MAP3K2: variants seen among roughly 807,000 people sequenced by gnomAD.
MAP3K2 encodes the protein mitogen-activated protein kinase kinase kinase 2, also known as MAP/ERK kinase kinase 2.
MAP3K2 carries 24 observed loss-of-function variants against 80.3 expected under a neutral mutation model. The observed-to-expected ratio is 0.30, with a 90% CI of 0.22 to 0.42. The LOEUF (loss-of-function observed/expected upper bound fraction) is 0.42. MAP3K2 is among the 10% of genes least tolerant of loss of function. The pLI is 1.00. For missense variants in MAP3K2, 608 were observed against 750.1 expected, an observed-to-expected ratio of 0.81 and a Z score of 2.21; for synonymous variants, 244 against 253.7, an observed-to-expected ratio of 0.96 and a Z score of 0.36.
chr2:127,365,277 T>G (rs999380990), intron 1 of MAP3K2, among the ~76,000 whole-genome samples: 1 of 152,152 alleles, frequency 6.6e-6, no homozygotes, highest in Non-Finnish European at 1.5e-5. Flanking sequence ...GAAGTGGGCT[T>G]AGAGAGCTTA....
At position 127,302,932 on chromosome 2, in the gene MAP3K2, C is replaced by G. The variant is rs1685626095; in HGVS notation, c.*4647G>C. ...GGAGGTAGAAAAGGGTAGGAGGAGG[C>G]AGGCATTAAGAAACATTTAAGGACC... On this transcript the variant is annotated 3_prime_UTR_variant, in exon 17 of 17. Coordinates refer to ENST00000682094, the MANE Select transcript of MAP3K2 (RefSeq NM_001371910.2). 1 of 151,912 alleles carries G rather than the reference C, an allele frequency of 6.6e-6. No homozygotes were observed. The highest frequency in any genetic ancestry group is 6.6e-5 in the Admixed American group (1 of 15,232). The allele number at this position is 151,912 out of a possible 1,614,324, so 9.4% of individuals were successfully genotyped here.
chr2:127,388,233 G>T (rs1687418766), upstream of MAP3K2: 2 of 863,424 alleles, frequency 2.3e-6, no homozygotes, highest in Non-Finnish European at 2.7e-6. Context: ...TTCCGTGTGC[G>T]CGGCGCATAC....
chr2:127,382,062 T>G (rs1478560946), intron 1 of MAP3K2, among the ~76,000 whole-genome samples: 1 of 152,218 alleles, frequency 6.6e-6, no homozygotes, highest in African/African-American at 2.4e-5. Flanking sequence ...TCAAAAAGCC[T>G]TAACAACTAA....
chr2:127,311,881 A>C (rs1341120333), intron 15 of MAP3K2, among the ~76,000 whole-genome samples: 1 of 151,870 alleles, frequency 6.6e-6, no homozygotes, highest in Non-Finnish European at 1.5e-5. Flanking sequence ...GTTCCCTCCA[A>C]TCTCCTTTTC....
intron 4 of MAP3K2, among the ~76,000 whole-genome samples, chr2:127,336,397 A>G (rs780903758): frequency 6.6e-6 from 1 of 152,188 alleles, no homozygotes; most frequent in Non-Finnish European, 1.5e-5. Flanking sequence ...TCAACTCAAC[A>G]TTTTTGGGTA....
rs371399977 is a variant in MAP3K2 at position 127,370,125 on chromosome 2, GGC to G, written c.-66+17325_-66+17326del. Among the ~76,000 whole-genome samples, 55 of 151,440 alleles carry G rather than the reference GGC, an allele frequency of 3.6e-4. 1 individual carries two copies. The East Asian group carries it at 9.0e-3, about 25-fold the overall frequency. ...GCAAGACTAGCGGGGGGTGGGGGTG[GGC>G]GCAGCACGACCATGTGAATTCCCCA... is the stretch of plus-strand genomic sequence containing the variant. On this transcript the variant is annotated intron_variant, in intron 1 of 16. Transcript: ENST00000682094.
chr2:127,383,724 A>G (rs1687291145), intron 1 of MAP3K2, among the ~76,000 whole-genome samples: 1 of 152,222 alleles, frequency 6.6e-6, no homozygotes, highest in Non-Finnish European at 1.5e-5. Context: ...TGGGAGGCCA[A>G]AGTGGGAGGA....
At chr2:127,332,094 T>G (rs1686269636) in intron 5 of MAP3K2, among the ~76,000 whole-genome samples, 1 of 152,206 alleles carries the variant, frequency 6.6e-6, no homozygotes, top group Non-Finnish European at 1.5e-5. Context: ...CTATGAGAAT[T>G]TTTTTCTAAT....
chr2:127,326,279 C>A (rs941397180), intron 8 of MAP3K2, among the ~76,000 whole-genome samples: 1 of 62,362 alleles, frequency 1.6e-5, no homozygotes, highest in Non-Finnish European at 3.9e-5. Context: ...GGAATAACAG[C>A]AACTCCATGA....
At chr2:127,332,936 C>G (rs1403135265) in intron 5 of MAP3K2, among the ~76,000 whole-genome samples, 1 of 151,828 alleles carries the variant, frequency 6.6e-6, no homozygotes, top group Non-Finnish European at 1.5e-5. Flanking sequence ...TTGAGACCAG[C>G]CTGGGCAACA....
In MAP3K2 at chr2:127,368,929, A is replaced by G. The variant is rs752857591; in HGVS notation, c.-66+18523T>C. Among the ~76,000 whole-genome samples, 14 of 151,796 alleles carry G rather than the reference A, an allele frequency of 9.2e-5. No homozygotes were observed. In the East Asian group the frequency reaches 2.2e-3, roughly 23 times the overall value. On this transcript the variant is annotated intron_variant, in intron 1 of 16. Coordinates refer to ENST00000682094, the MANE Select transcript of MAP3K2 (RefSeq NM_001371910.2). ...CCCAGCTTGTTGAATTGTGACTAGTATTATTATTCTCAAATATTTTATTTT... is the reference window on the plus strand; with the variant it reads ...CCCAGCTTGTTGAATTGTGACTAGTGTTATTATTCTCAAATATTTTATTTT...
intron 1 of MAP3K2, among the ~76,000 whole-genome samples, chr2:127,376,753 A>G (rs1398766536): frequency 1.3e-5 from 2 of 152,130 alleles, no homozygotes; most frequent in Admixed American, 6.5e-5. Flanking sequence ...ACTCAGAATA[A>G]TAGTCTACAA....
At chr2:127,377,521 T>C (rs72848616) in intron 1 of MAP3K2, among the ~76,000 whole-genome samples, 39,548 of 151,928 alleles carry the variant, frequency 0.26, 5,345 homozygotes, top group Middle Eastern at 0.31. Flanking sequence ...ATATGAGCAA[T>C]GTGGAGGCAG....
At chr2:127,360,492 T>C (rs1200597789) in intron 1 of MAP3K2, among the ~76,000 whole-genome samples, 1 of 152,232 alleles carries the variant, frequency 6.6e-6, no homozygotes, top group African/African-American at 2.4e-5. Context: ...CTATCTTATT[T>C]ATAACTACCA....
chr2:127,332,850 C>T (rs1233699649), intron 5 of MAP3K2, among the ~76,000 whole-genome samples: 1 of 152,152 alleles, frequency 6.6e-6, no homozygotes, highest in African/African-American at 2.4e-5. Context: ...GTTCTCCAGG[C>T]TGGACGCAGT....
In MAP3K2 at chr2:127,347,338, C is replaced by T. The variant is rs144413506; in HGVS notation, c.-65-4144G>A. The stretch of plus-strand genomic sequence containing the variant: ...GACATAATCTTAGATACAGGAAAAC[C>T]TAAGAAACAAACAAAAACAGTATTA... On this transcript the variant is annotated intron_variant, in intron 1 of 16. Coordinates refer to ENST00000682094, the MANE Select transcript of MAP3K2 (RefSeq NM_001371910.2). Among the ~76,000 whole-genome samples, 1,258 of 152,084 alleles carry T rather than the reference C, an allele frequency of 8.3e-3. 7 individuals carry two copies. The highest frequency in any genetic ancestry group is 0.014 in the Non-Finnish European group (940 of 67,966).
Position 127,324,259 on chromosome 2 carries a change from C to A in MAP3K2, c.678-18G>T. 6.9e-7 allele frequency: 1 copy of A among 1,456,622 alleles called. No individual in the cohort carries two copies. Among genetic ancestry groups the A allele is most frequent in the Non-Finnish European group, 9.3e-7 (1 of 1,073,352 alleles). 90.2% of individuals were successfully genotyped at this position (1,456,622 alleles called of 1,614,324 possible). On this transcript the variant is annotated intron_variant, in intron 9 of 16. Coordinates refer to ENST00000682094, the MANE Select transcript of MAP3K2 (RefSeq NM_001371910.2). ...AGCTCTCTCTATAAAGAAAAAACAT[C>A]ACATTAAGTTTACAGAAAGAACGTA...
rs1470246718 is a variant in MAP3K2, at chr2:127,310,539, C to T, written c.1457-1777G>A. Among the ~76,000 whole-genome samples, 1 of 152,120 alleles carries T rather than the reference C, an allele frequency of 6.6e-6. No homozygotes were observed. The highest frequency in any genetic ancestry group is 1.5e-5 in the Non-Finnish European group (1 of 68,022). On this transcript the variant is annotated intron_variant, in intron 15 of 16. Coordinates refer to ENST00000682094, the MANE Select transcript of MAP3K2 (RefSeq NM_001371910.2). This position sits in a 1 kb window ranked among gnomAD's most constrained non-coding sequence, Gnocchi z 4.8. ...TGGTAGCATGTGCCTGCAGTCCCAG[C>T]TACTTGGGGGCTGAGGCTGAAGGAT... is the stretch of plus-strand genomic sequence containing the variant.
chr2:127,376,796 T>C (rs1192683612), intron 1 of MAP3K2, among the ~76,000 whole-genome samples: 4 of 152,178 alleles, frequency 2.6e-5, no homozygotes, highest in African/African-American at 4.8e-5. Context: ...CTGTGCATGG[T>C]GGCTCACACC....
Sources: allele counts gnomAD v4.1 joint callset (sites outside exome capture counted in the v4.1 genomes callset), GRCh38; gene constraint gnomAD v4.1.1; non-coding constraint Gnocchi (gnomAD v3.1); transcripts MANE v1.5; gene names NCBI Gene and HGNC (gene_info 2026-07-23, HGNC 2026-07-21).